MCC: variants seen among roughly 807,000 people sequenced by gnomAD.
The protein encoded by MCC is colorectal mutant cancer protein.
In MCC, 90 loss-of-function variants were observed where a neutral mutation model predicts 116.2. The observed-to-expected ratio is 0.77, with a 90% CI of 0.65 to 0.92. The LOEUF (loss-of-function observed/expected upper bound fraction) is 0.92, where lower values mean the gene tolerates loss of function less well. Among genes scored for constraint, MCC ranks in the 40% least tolerant of loss-of-function variants. The probability of loss-of-function intolerance (pLI) is 0.00; values close to 1 mark genes in which losing one functional copy is unlikely to be tolerated. For synonymous variants in MCC, 578 were observed against 510.5 expected (o/e 1.13, Z -1.78); for missense variants, 1,516 against 1,312.2 (o/e 1.16, Z -2.40).
At chr5:113,356,655 A>G (rs1328526536) in intron 2 of MCC, among the ~76,000 whole-genome samples, 1 of 152,132 alleles carries the variant, frequency 6.6e-6, no homozygotes, top group Non-Finnish European at 1.5e-5. Context: ...TTAGTACTTT[A>G]ATCCCATCTT....
intron 7 of MCC, 144 bp downstream of exon 7, chr5:113,104,048 A>C: frequency 1.2e-6 from 1 of 801,316 alleles, no homozygotes; most frequent in Non-Finnish European, 1.8e-6. Flanking sequence ...CCCCGCTTCT[A>C]CACCGTGGCT....
At chr5:113,104,456 C>G in intron 6 of MCC, 101 bp from the exon 7 acceptor site, 2 of 1,041,462 alleles carry the variant, frequency 1.9e-6, no homozygotes, top group Non-Finnish European at 2.7e-6. Context: ...GGCAATGGAG[C>G]CTGACATTTC....
rs558495757 is a variant in MCC, at chr5:113,339,395, T to C, written c.627+1124A>G. Among the ~76,000 whole-genome samples the C allele has an allele frequency of 4.5e-4, 66 of 147,708 alleles. 1 individual carries two copies. In the South Asian group the frequency reaches 0.013, roughly 29 times the overall value. ...ATTATTAACTAAAGTCCATATTTTA[T>C]CTAGGCTTCCTTAGTGTGTGTGTGT... On this transcript the variant is annotated intron_variant, in intron 3 of 18. Coordinates refer to ENST00000408903, the MANE Select transcript of MCC (RefSeq NM_001085377.2).
intron 1 of MCC, among the ~76,000 whole-genome samples, chr5:113,444,676 A>G (rs1771155432): frequency 6.6e-6 from 1 of 152,152 alleles, no homozygotes; most frequent in Non-Finnish European, 1.5e-5. Flanking sequence ...TATTGTTGCT[A>G]CTGGTTCCTG....
At chr5:113,167,058 G>C (rs1279788904) in intron 3 of MCC, among the ~76,000 whole-genome samples, 1 of 152,150 alleles carries the variant, frequency 6.6e-6, no homozygotes, top group Non-Finnish European at 1.5e-5. Context: ...GGGATAATGT[G>C]GGTGCAGCCC....
intron 2 of MCC, among the ~76,000 whole-genome samples, chr5:113,345,116 T>A (rs945456632): frequency 2.6e-5 from 4 of 151,956 alleles, no homozygotes; most frequent in African/African-American, 9.7e-5. Context: ...ACATTGACAA[T>A]GGCCTGGCAG....
At chr5:113,346,904 C>A (rs1448498259) in intron 2 of MCC, among the ~76,000 whole-genome samples, 3 of 150,168 alleles carry the variant, frequency 2.0e-5, no homozygotes, top group Admixed American at 2.0e-4. Context: ...CCTTACAGGC[C>A]AGGAGAGAGT....
intron 3 of MCC, among the ~76,000 whole-genome samples, chr5:113,252,409 G>A (rs1419583660): frequency 6.6e-6 from 1 of 152,146 alleles, no homozygotes; most frequent in Non-Finnish European, 1.5e-5. Flanking sequence ...ATTAGAGCAT[G>A]AACTCTATTG....
At chr5:113,065,181 G>A (rs888540567) in intron 13 of MCC, among the ~76,000 whole-genome samples, 8 of 152,178 alleles carry the variant, frequency 5.3e-5, no homozygotes, top group Non-Finnish European at 1.0e-4. Context: ...GAACTCTGAT[G>A]TAAACTATGG....
chr5:113,381,510 C>T lies in MCC; in HGVS notation c.415+3458G>A, dbSNP rs117593032. ...GTATTTAAAACCATACGACCAAGCT[C>T]GGCATGGTGGTGCTTGCCTGTAATC... On this transcript the variant is annotated intron_variant, in intron 2 of 18. Coordinates refer to ENST00000408903, the MANE Select transcript of MCC (RefSeq NM_001085377.2). 2.2e-4 allele frequency among the ~76,000 whole-genome samples: 34 copies of T among 152,200 alleles called. No individual in the cohort carries two copies. In the East Asian group the frequency reaches 6.0e-3, roughly 27 times the overall value.
At chr5:113,076,466 G>C (rs998011378) in intron 11 of MCC, among the ~76,000 whole-genome samples, 2 of 152,252 alleles carry the variant, frequency 1.3e-5, no homozygotes, top group African/African-American at 4.8e-5. Context: ...GATTTCTTGG[G>C]AGAAACTCTA....
chr5:113,416,184 T>C (rs1770141773), intron 1 of MCC, among the ~76,000 whole-genome samples: 1 of 152,184 alleles, frequency 6.6e-6, no homozygotes. Context: ...TATTCGGCCA[T>C]CTTGGAATGG....
chr5:113,429,205 A>G (rs989411689), intron 1 of MCC, among the ~76,000 whole-genome samples: 1 of 152,070 alleles, frequency 6.6e-6, no homozygotes, highest in Non-Finnish European at 1.5e-5. Context: ...GGAGGTAATT[A>G]ATGTGAAATG....
At position 113,025,851 on chromosome 5, in the gene MCC, C is replaced by G. The variant is rs1750509059; in HGVS notation, c.*1451G>C. ...AGAAGGCTGTGGAATTTGTATCATG[C>G]TCTGAAAATAGACCTACCCGTAGCT... On this transcript the variant is annotated 3_prime_UTR_variant, in exon 19 of 19. Transcript: ENST00000408903. The G allele has an allele frequency of 1.3e-5, 2 of 152,152 alleles. No individual in the cohort carries two copies. The highest frequency in any genetic ancestry group is 2.1e-4 in the South Asian group (1 of 4,826). 9.4% of individuals were successfully genotyped at this position (152,152 alleles called of 1,614,324 possible).
Position 113,396,306 on chromosome 5 carries a change from C to T in MCC, c.171-11094G>A, listed in dbSNP as rs949124818. ...TTGTGCCATTGCACTCCAACCTGGG[C>T]GAAAGAATGAGACTGTCTCAAAAAC... On this transcript the variant is annotated intron_variant, in intron 1 of 18. Transcript: ENST00000408903. Among the ~76,000 whole-genome samples the T allele has an allele frequency of 5.9e-5, 9 of 151,782 alleles. No individual in the cohort carries two copies. The East Asian group carries it at 9.7e-4, about 16-fold the overall frequency.
chr5:113,047,730 C>T (rs1300169152), intron 16 of MCC, among the ~76,000 whole-genome samples: 1 of 151,910 alleles, frequency 6.6e-6, no homozygotes, highest in African/African-American at 2.4e-5. Context: ...TATAGATGAC[C>T]CTTGGACAAG....
At chr5:113,381,004 G>A (rs1006367773) in intron 2 of MCC, among the ~76,000 whole-genome samples, 2 of 152,194 alleles carry the variant, frequency 1.3e-5, no homozygotes, top group Admixed American at 6.5e-5. Flanking sequence ...ACATGGGATT[G>A]AACTAAGCAT....
rs530091739 is a variant in MCC, at chr5:113,317,426, T to C, written c.627+23093A>G. Among the ~76,000 whole-genome samples, 81 of 152,326 alleles carry C rather than the reference T, an allele frequency of 5.3e-4. 1 individual carries two copies. The highest frequency in any genetic ancestry group is 1.5e-5 in the Non-Finnish European group (1 of 68,030). On this transcript the variant is annotated intron_variant, in intron 3 of 18. Coordinates refer to ENST00000408903, the MANE Select transcript of MCC (RefSeq NM_001085377.2). The stretch of plus-strand genomic sequence containing the variant: ...TTACAATGGACACTGGTAGATTTAT[T>C]TGAGTAAATGACACTATAATAGCCA...
chr5:113,151,321 C>T lies in MCC; in HGVS notation c.729G>A (p.Leu243=). The change falls in exon 4 of 19, where the codon TTG becomes TTA. Residue 243 remains leucine (L), a synonymous_variant. Coordinates refer to ENST00000408903, the MANE Select transcript of MCC (RefSeq NM_001085377.2). ...CCAGATCCCTTACCTGTGCCTTGGC[C>T]AATTTCTTTTCCAGAAGGTCCCGTT... The part of the protein sequence containing the change: ...ERERDLLEKK[L]AKAQCEQSHL... 6.2e-7 allele frequency: 1 copy of T among 1,611,970 alleles called. No individual in the cohort carries two copies. The highest frequency in any genetic ancestry group is 8.5e-7 in the Non-Finnish European group (1 of 1,178,516).
Sources: allele counts gnomAD v4.1 joint callset (sites outside exome capture counted in the v4.1 genomes callset), GRCh38; gene constraint gnomAD v4.1.1; transcripts MANE v1.5; gene names NCBI Gene and HGNC (gene_info 2026-07-23, HGNC 2026-07-21).